SDK1: variants seen among roughly 807,000 people sequenced by gnomAD.
SDK1 encodes protein sidekick-1.
Under a neutral mutation model 245.5 loss-of-function variants are expected in SDK1, and 157 were observed. The ratio of observed to expected loss-of-function variants is 0.64; its 90% CI spans 0.56 to 0.73. SDK1 has a LOEUF of 0.73. SDK1 is among the 30% of genes least tolerant of loss of function. The pLI is 0.00. For synonymous variants in SDK1, 1,647 were observed against 1,278.5 expected (o/e 1.29, Z -6.15); for missense variants, 3,583 against 3,002.3 (o/e 1.19, Z -4.52).
At chr7:3,377,323 C>G (rs1461750719) in intron 1 of SDK1, among the ~76,000 whole-genome samples, 1 of 152,110 alleles carries the variant, frequency 6.6e-6, no homozygotes, top group Non-Finnish European at 1.5e-5. Context: ...CGATAAAGGA[C>G]TAGGTTAATT....
chr7:3,676,158 G>A (rs543428001), intron 4 of SDK1, among the ~76,000 whole-genome samples: 1 of 151,586 alleles, frequency 6.6e-6, no homozygotes, highest in African/African-American at 2.4e-5. Flanking sequence ...GTGGAGACGG[G>A]GTCTCACTAT....
intron 44 of SDK1, among the ~76,000 whole-genome samples, chr7:4,254,126 G>A (rs138149067): frequency 3.8e-4 from 57 of 151,740 alleles, no homozygotes; most frequent in African/African-American, 9.9e-4. Context: ...ATATTTTACC[G>A]GTAGATTAAT....
intron 1 of SDK1, among the ~76,000 whole-genome samples, chr7:3,572,086 T>C (rs986692135): frequency 1.3e-5 from 2 of 152,182 alleles, no homozygotes; most frequent in South Asian, 2.1e-4. Flanking sequence ...AATAAGACTT[T>C]TACATCAGCA....
chr7:3,985,963 A>G (rs1783799847), intron 13 of SDK1, among the ~76,000 whole-genome samples: 1 of 152,158 alleles, frequency 6.6e-6, no homozygotes, highest in African/African-American at 2.4e-5. Flanking sequence ...AAAGCTGGTT[A>G]GCGGTGACCC....
chr7:3,730,673 C>T (rs1045726957), intron 4 of SDK1, among the ~76,000 whole-genome samples: 1 of 152,056 alleles, frequency 6.6e-6, no homozygotes, highest in African/African-American at 2.4e-5. Context: ...GATCTTAGAT[C>T]AGTTTTCCTT....
intron 4 of SDK1, among the ~76,000 whole-genome samples, chr7:3,673,643 T>C (rs1457826504): frequency 6.6e-6 from 1 of 152,218 alleles, no homozygotes; most frequent in Non-Finnish European, 1.5e-5. Context: ...TCTGCTTTGC[T>C]AATGCATTAG....
chr7:3,331,036 C>T lies in SDK1; in HGVS notation c.298+29152C>T, dbSNP rs529745093. Among the ~76,000 whole-genome samples the T allele has an allele frequency of 2.8e-4, 42 of 152,100 alleles. 1 individual carries two copies. In the South Asian group the frequency reaches 7.7e-3, roughly 28 times the overall value. On this transcript the variant is annotated intron_variant, in intron 1 of 44. Coordinates refer to ENST00000404826, the MANE Select transcript of SDK1 (RefSeq NM_152744.4). ...AATCCTGCACTTTGGGAGGCCAAGG[C>T]AGGTGGATCACGAGGTCAGGAGTTT...
chr7:3,332,944 C>T (rs1300436300), intron 1 of SDK1, among the ~76,000 whole-genome samples: 1 of 152,202 alleles, frequency 6.6e-6, no homozygotes, highest in Non-Finnish European at 1.5e-5. Context: ...GAATTGAAGG[C>T]TAAGTTGAGC....
At chr7:3,411,482 T>A (rs940489096) in intron 1 of SDK1, among the ~76,000 whole-genome samples, 1 of 151,938 alleles carries the variant, frequency 6.6e-6, no homozygotes, top group Non-Finnish European at 1.5e-5. Context: ...TCTCTCCCTT[T>A]TTCAGTTCAT....
chr7:3,562,007 A>T (rs760761614), intron 1 of SDK1, among the ~76,000 whole-genome samples: 1 of 152,202 alleles, frequency 6.6e-6, no homozygotes, highest in African/African-American at 2.4e-5. Context: ...GGAAATAAGC[A>T]TTCATAAATA....
intron 5 of SDK1, among the ~76,000 whole-genome samples, chr7:3,825,167 A>G (rs1470526406): frequency 6.6e-6 from 1 of 152,146 alleles, no homozygotes; most frequent in Admixed American, 6.5e-5. Context: ...CCTGCCTGAG[A>G]GTAGATGTGT....
chr7:3,377,392 G>T (rs1781380535), intron 1 of SDK1, among the ~76,000 whole-genome samples: 1 of 152,146 alleles, frequency 6.6e-6, no homozygotes, highest in South Asian at 2.1e-4. Flanking sequence ...GCTGCCCCCT[G>T]CGCTAAATGG....
chr7:4,267,719 G>A lies in SDK1; in HGVS notation c.*2335G>A, dbSNP rs868369577. ...ATATGTTTGTTGCTCTCGGGTTTTC[G>A]ATACAACATCATGACACTTCTGTTT... On this transcript the variant is annotated 3_prime_UTR_variant, in exon 45 of 45. Transcript: ENST00000404826. 148 of 985,476 alleles carry A rather than the reference G, an allele frequency of 1.5e-4. 1 individual carries two copies. The South Asian group carries it at 2.6e-3, about 17-fold the overall frequency. The allele number at this position is 985,476 out of a possible 1,614,324, so 61.0% of individuals were successfully genotyped here.
intron 12 of SDK1, among the ~76,000 whole-genome samples, chr7:3,972,411 C>G (rs1782560787): frequency 6.6e-6 from 1 of 152,148 alleles, no homozygotes; most frequent in Non-Finnish European, 1.5e-5. Flanking sequence ...GACATCCTGT[C>G]TTTGTTTAAA....
intron 1 of SDK1, among the ~76,000 whole-genome samples, chr7:3,379,870 A>G (rs10235080): frequency 0.23 from 34,497 of 152,070 alleles, 4,969 homozygotes; most frequent in South Asian, 0.36. Flanking sequence ...CAGATTTCGT[A>G]TTTTTCTATT....
chr7:3,650,768 G>A (rs1318501384), intron 4 of SDK1, among the ~76,000 whole-genome samples: 2 of 150,910 alleles, frequency 1.3e-5, no homozygotes, highest in African/African-American at 4.9e-5. Context: ...CTAAAGTTTT[G>A]TCATCTCAAG....
At chr7:3,498,980 T>G (rs988973426) in intron 1 of SDK1, among the ~76,000 whole-genome samples, 1 of 152,196 alleles carries the variant, frequency 6.6e-6, no homozygotes, top group African/African-American at 2.4e-5. Flanking sequence ...ATTGGTTGAT[T>G]GGTAAGAATT....
chr7:4,200,372 C>T (rs988117415), intron 35 of SDK1, among the ~76,000 whole-genome samples: 1 of 152,200 alleles, frequency 6.6e-6, no homozygotes, highest in African/African-American at 2.4e-5. Flanking sequence ...TCAGCTGTTA[C>T]CACATAGCAA....
chr7:4,047,345 G>A (rs377350412), intron 17 of SDK1, among the ~76,000 whole-genome samples: 9 of 152,100 alleles, frequency 5.9e-5, no homozygotes, highest in East Asian at 1.9e-4. Flanking sequence ...GATACACCTC[G>A]CTTGATCAGG....
Sources: gnomAD v4.1 joint callset for allele counts (sites outside exome capture counted in the v4.1 genomes callset) on GRCh38, gnomAD v4.1.1 for gene constraint, MANE v1.5 for transcripts, NCBI Gene and HGNC (gene_info 2026-07-23, HGNC 2026-07-21) for gene names.